Variants in NECTIN3 observed in about 807,000 individuals in gnomAD.
NECTIN3 encodes the protein nectin cell adhesion molecule 3.
NECTIN3 carries 8 observed loss-of-function variants against 49.4 expected under a neutral mutation model. The observed-to-expected ratio is 0.16, with a 90% confidence interval of 0.10 to 0.29. The LOEUF is 0.29. Among genes scored for constraint, NECTIN3 ranks in the 10% least tolerant of loss-of-function variants. The probability of loss-of-function intolerance (pLI) is 1.00; values close to 1 mark genes in which losing one functional copy is unlikely to be tolerated. For missense variants in NECTIN3, 581 were observed against 654.6 expected (o/e 0.89, Z 1.23); for synonymous variants, 277 against 241.1 (o/e 1.15, Z -1.38).
rs533873115 is a variant in NECTIN3 at position 111,182,965 on chromosome 3, T to G, written c.1222-9386T>G. The stretch of plus-strand genomic sequence containing the variant: ...TTTAAATTAGCTGAGTGATTAAGTA[T>G]TTTTTAATTTAAATACATTTATTTA... On this transcript the variant is annotated intron_variant, in intron 7 of 8. Coordinates refer to the NECTIN3 transcript ENST00000493615. Among the ~76,000 whole-genome samples, 65 of 152,144 alleles carry G rather than the reference T, an allele frequency of 4.3e-4. No homozygotes were observed. The East Asian group carries it at 6.2e-3, about 14-fold the overall frequency.
chr3:111,099,978 TC>T (rs1043715076), intron 1 of NECTIN3, among the ~76,000 whole-genome samples: 1 of 152,286 alleles, frequency 6.6e-6, no homozygotes, highest in African/African-American at 2.4e-5. Flanking sequence ...ATAAAACAGC[TC>T]AAGGACCCAG....
rs147656834 is a variant in NECTIN3 at position 111,149,151 on chromosome 3, C to T, written c.1221+1667C>T. ...TTTTATCCTAAAATAAATTCTCATA[C>T]ATATTAGGTCTGTTTCTGAACTCTT... On this transcript the variant is annotated intron_variant, in intron 7 of 8. Coordinates refer to the NECTIN3 transcript ENST00000493615. 9.0e-3 allele frequency among the ~76,000 whole-genome samples: 1,367 copies of T among 152,162 alleles called. 10 individuals carry two copies. The highest frequency in any genetic ancestry group is 0.014 in the Non-Finnish European group (934 of 67,968).
At position 111,072,193 on chromosome 3, in the gene NECTIN3, C is replaced by A. The variant is rs1181688511; in HGVS notation, c.160+16C>A. 1.3e-6 allele frequency: 2 copies of A among 1,540,442 alleles called. No homozygotes were observed. The highest frequency in any genetic ancestry group is 1.7e-6 in the Non-Finnish European group (2 of 1,146,188). On this transcript the variant is annotated intron_variant, in intron 1 of 5. Coordinates refer to ENST00000485303, the MANE Select transcript of NECTIN3 (RefSeq NM_015480.3). The stretch of plus-strand genomic sequence containing the variant: ...AGGCTCTGTGGTAGGTGAACCTCGG[C>A]GGCCGGCGTGGGCTGAGGGAGCCGC...
At chr3:111,122,329 A>T (rs1453796335) in intron 4 of NECTIN3, 91 bp downstream of exon 4, 1 of 896,232 alleles carries the variant, frequency 1.1e-6, no homozygotes, top group Admixed American at 2.9e-5. Context: ...ATAATACATG[A>T]TTATAGTAAT....
chr3:111,179,851 A>G (rs1226426399), intron 7 of NECTIN3, among the ~76,000 whole-genome samples: 6 of 151,170 alleles, frequency 4.0e-5, no homozygotes, highest in Non-Finnish European at 8.8e-5. Flanking sequence ...AGGTCACACC[A>G]CTGCACTCCA....
At chr3:111,144,833 A>G in intron 5 of NECTIN3, 3 of 1,464,222 alleles carry the variant, frequency 2.0e-6, no homozygotes, top group Non-Finnish European at 2.7e-6. Context: ...CATTGTAGAA[A>G]AGGTATGCAA....
chr3:111,139,886 A>T (rs922461265), downstream of NECTIN3, among the ~76,000 whole-genome samples: 1 of 151,806 alleles, frequency 6.6e-6, no homozygotes, highest in Non-Finnish European at 1.5e-5. Context: ...TAACATGTTA[A>T]TTTTTTCTCA....
At chr3:111,179,332 C>T (rs890163206) in intron 7 of NECTIN3, among the ~76,000 whole-genome samples, 2 of 152,118 alleles carry the variant, frequency 1.3e-5, no homozygotes, top group African/African-American at 4.8e-5. Flanking sequence ...ATTTCCAGTC[C>T]AGCTGGCACA....
rs10715848 is a variant in NECTIN3, at chr3:111,179,890, C to CA, written c.1222-12446dup. Among the ~76,000 whole-genome samples the CA allele has an allele frequency of 1.9e-3, 221 of 116,934 alleles. No homozygotes were observed. In the Middle Eastern group the frequency reaches 0.023, roughly 12 times the overall value. 76.7% of individuals were successfully genotyped at this position (116,934 alleles called of 152,430 possible). On this transcript the variant is annotated intron_variant, in intron 7 of 8. Coordinates refer to the NECTIN3 transcript ENST00000493615. ...TGGGTGACAGAGCAAGACTCTGTCT[C>CA]AAAAAAAAAAAAAAAGATCCAGGCA...
At chr3:111,084,828 A>G (rs2031833647) in intron 1 of NECTIN3, among the ~76,000 whole-genome samples, 1 of 152,176 alleles carries the variant, frequency 6.6e-6, no homozygotes. Context: ...TTGATGTAGG[A>G]ATTAGATGTT....
chr3:111,180,343 T>C (rs894329621), intron 7 of NECTIN3, among the ~76,000 whole-genome samples: 1 of 152,246 alleles, frequency 6.6e-6, no homozygotes, highest in African/African-American at 2.4e-5. Flanking sequence ...ACTAAGGGTC[T>C]GCTAAAATAA....
At chr3:111,147,945 A>G (rs2034915042) in intron 7 of NECTIN3, among the ~76,000 whole-genome samples, 1 of 152,194 alleles carries the variant, frequency 6.6e-6, no homozygotes, top group African/African-American at 2.4e-5. Context: ...ATTCATGTGA[A>G]AGTATTGATT....
At chr3:111,081,122 A>C (rs2031575019) in intron 1 of NECTIN3, among the ~76,000 whole-genome samples, 1 of 152,144 alleles carries the variant, frequency 6.6e-6, no homozygotes, top group Non-Finnish European at 1.5e-5. Flanking sequence ...CCAATAAATA[A>C]ATAAATAAAT....
At chr3:111,167,706 C>A (rs1367702871) in intron 7 of NECTIN3, among the ~76,000 whole-genome samples, 5 of 151,974 alleles carry the variant, frequency 3.3e-5, no homozygotes, top group African/African-American at 1.2e-4. Context: ...TGAGTGGTCT[C>A]CTTTGCTGGT....
At chr3:111,165,169 G>A (rs1178346811) in intron 7 of NECTIN3, among the ~76,000 whole-genome samples, 4 of 151,718 alleles carry the variant, frequency 2.6e-5, no homozygotes, top group South Asian at 4.2e-4. Flanking sequence ...TCAGCCTCCC[G>A]AGTAGCTGGG....
intron 1 of NECTIN3, among the ~76,000 whole-genome samples, chr3:111,193,026 C>T (rs1398509725): frequency 8.5e-5 from 13 of 152,214 alleles, no homozygotes; most frequent in East Asian, 3.9e-4. Context: ...GTATTGTAAG[C>T]GACAAATGAC....
At chr3:111,161,979 T>C (rs1436505218) in intron 7 of NECTIN3, among the ~76,000 whole-genome samples, 2 of 152,152 alleles carry the variant, frequency 1.3e-5, no homozygotes, top group Non-Finnish European at 2.9e-5. Context: ...CTCTAATACA[T>C]TGAATCGAGA....
intron 5 of NECTIN3, among the ~76,000 whole-genome samples, chr3:111,130,229 TAC>T (rs2034336820): frequency 6.6e-6 from 1 of 151,904 alleles, no homozygotes; most frequent in South Asian, 2.1e-4. Flanking sequence ...GTGCTGGGAT[TAC>T]AGGCATGAGC....
In NECTIN3 at chr3:111,072,267, G is replaced by C. The variant is rs904213701; in HGVS notation, c.160+90G>C. On this transcript the variant is annotated intron_variant, in intron 1 of 5. Transcript: ENST00000485303. The stretch of plus-strand genomic sequence containing the variant: ...CCGGCTCTGCCAGCCGTTCTCTGGA[G>C]CAGCGAGGCGGTTGGTTGTGCGAGC... The C allele has an allele frequency of 1.9e-5, 28 of 1,460,010 alleles. No homozygotes were observed. The East Asian group carries it at 2.3e-4, about 12-fold the overall frequency. 90.4% of individuals were successfully genotyped at this position (1,460,010 alleles called of 1,614,324 possible).
Sources: allele counts gnomAD v4.1 joint callset (sites outside exome capture counted in the v4.1 genomes callset), GRCh38; gene constraint gnomAD v4.1.1; transcripts MANE v1.5; gene names NCBI Gene and HGNC (gene_info 2026-07-23, HGNC 2026-07-21).